The following TENM3 variants were observed in gnomAD, a reference collection of about 807,000 sequenced individuals.
The protein encoded by TENM3 is teneurin transmembrane protein 3.
Under a neutral mutation model 255.1 loss-of-function variants are expected in TENM3, and 63 were observed. The ratio of observed to expected loss-of-function variants is 0.25; its 90% CI spans 0.20 to 0.30. TENM3 has a LOEUF of 0.30. Among genes scored for constraint, TENM3 ranks in the 10% least tolerant of loss-of-function variants. The probability of loss-of-function intolerance (pLI) is 1.00; values close to 1 mark genes in which losing one functional copy is unlikely to be tolerated. For missense variants in TENM3, 2,929 were observed against 3,461.1 expected, an observed-to-expected ratio of 0.85 and a Z score of 3.86; for synonymous variants, 1,306 against 1,322.3, an observed-to-expected ratio of 0.99 and a Z score of 0.27.
chr4:181,609,961 T>C, the TENM3 span, among the ~76,000 whole-genome samples: 3 of 152,208 alleles, frequency 2.0e-5, no homozygotes, highest in Non-Finnish European at 4.4e-5. Context: ...AACGACTGCC[T>C]GAGTGTACCC....
At chr4:181,752,634 T>C in the TENM3 span, among the ~76,000 whole-genome samples, 3 of 152,180 alleles carry the variant, frequency 2.0e-5, no homozygotes, top group Non-Finnish European at 4.4e-5. Context: ...TCCAATGGTA[T>C]CATTTTATTT....
In TENM3 at chr4:182,802,512, A is replaced by G. The variant is rs1344716003; in HGVS notation, c.*2161A>G. On this transcript the variant is annotated 3_prime_UTR_variant, in exon 28 of 28. Coordinates refer to ENST00000511685, the MANE Select transcript of TENM3 (RefSeq NM_001080477.4). ...TTCTCAGACATGTTTCTGATGTATT[A>G]CCATGAAAAGCTTGTGCCACATGAC... 2.0e-5 allele frequency: 3 copies of G among 152,666 alleles called. No individual in the cohort carries two copies. In the East Asian group the frequency reaches 5.8e-4, roughly 29 times the overall value. The allele number at this position is 152,666 out of a possible 1,614,324, so 9.5% of individuals were successfully genotyped here.
At chr4:182,763,987 G>C (rs1763443693) in intron 22 of TENM3, among the ~76,000 whole-genome samples, 1 of 152,142 alleles carries the variant, frequency 6.6e-6, no homozygotes, top group African/African-American at 2.4e-5. Context: ...TGTTTAAAGT[G>C]TACCCCATTC....
At chr4:182,738,350 G>C (rs1169133881) in intron 17 of TENM3, 51 bp from the exon 18 acceptor site, 16 of 1,496,964 alleles carry the variant, frequency 1.1e-5, no homozygotes, top group Non-Finnish European at 9.0e-6. Flanking sequence ...AAAATAAATT[G>C]CATTTCCCCC....
chr4:181,741,549 A>C, the TENM3 span, among the ~76,000 whole-genome samples: 1 of 152,206 alleles, frequency 6.6e-6, no homozygotes, highest in Non-Finnish European at 1.5e-5. Flanking sequence ...CAGTTAACTG[A>C]AAACTCAGCA....
chr4:182,709,553 T>A (rs1036987329), intron 12 of TENM3, among the ~76,000 whole-genome samples: 4 of 152,232 alleles, frequency 2.6e-5, no homozygotes, highest in Admixed American at 6.5e-5. Context: ...TGCATTTTTT[T>A]ATTTCCTATT....
intron 4 of TENM3, among the ~76,000 whole-genome samples, chr4:182,601,699 T>C (rs947775946): frequency 1.1e-4 from 17 of 152,222 alleles, no homozygotes; most frequent in African/African-American, 4.1e-4. Context: ...CTCTCTAAAG[T>C]TCCTTGCAGG....
chr4:181,977,813 G>C, the TENM3 span, among the ~76,000 whole-genome samples: 2 of 152,162 alleles, frequency 1.3e-5, no homozygotes, highest in East Asian at 3.9e-4. Context: ...CAGGGGTGAG[G>C]TGACCATGAA....
Position 182,800,094 on chromosome 4 carries a change from G to T in TENM3, c.7843G>T (p.Glu2615Ter), listed in dbSNP as rs762365565. Residue 2615 changes from glutamate to a stop codon, truncating the protein, a stop_gained, in exon 28 of 28, where the codon GAG becomes TAG. Coordinates refer to ENST00000511685, the MANE Select transcript of TENM3 (RefSeq NM_001080477.4). LOFTEE classifies it high-confidence loss of function. ...LHVRYGMTLD[E>*]EKARILEQAR... is the part of the protein sequence containing the mutation. ...CGTGCGCTACGGCATGACCCTGGAC[G>T]AGGAGAAGGCGCGCATCCTGGAGCA... 2 of 1,585,096 alleles carry T rather than the reference G, an allele frequency of 1.3e-6. No homozygotes were observed. The highest frequency in any genetic ancestry group is 2.3e-5 in the East Asian group (1 of 43,602).
At chr4:181,559,057 G>A in the TENM3 span, among the ~76,000 whole-genome samples, 2 of 151,746 alleles carry the variant, frequency 1.3e-5, no homozygotes, top group Non-Finnish European at 2.9e-5. Flanking sequence ...TCCTTCAAAT[G>A]TGAAGGATTT....
At chr4:182,001,305 G>A in the TENM3 span, among the ~76,000 whole-genome samples, 9 of 152,080 alleles carry the variant, frequency 5.9e-5, no homozygotes, top group Non-Finnish European at 1.3e-4. Context: ...GTTAGCAAAT[G>A]TGGGTGGTCT....
chr4:182,566,388 T>C (rs1743796414), intron 3 of TENM3, among the ~76,000 whole-genome samples: 1 of 152,236 alleles, frequency 6.6e-6, no homozygotes, highest in African/African-American at 2.4e-5. Flanking sequence ...GGCTTCATGA[T>C]TGTTTTTGTA....
the TENM3 span, among the ~76,000 whole-genome samples, chr4:181,587,732 T>C: frequency 6.6e-6 from 1 of 152,200 alleles, no homozygotes; most frequent in Non-Finnish European, 1.5e-5. Context: ...TCGCTTTGTT[T>C]CCACCTTGTT....
chr4:182,192,298 A>G (rs534819348), intron 1 of TENM3, among the ~76,000 whole-genome samples: 3 of 152,334 alleles, frequency 2.0e-5, no homozygotes, highest in Non-Finnish European at 2.9e-5. Context: ...TCTTTCAACC[A>G]TGTTGTAGAG....
At chr4:182,096,392 G>A in the TENM3 span, among the ~76,000 whole-genome samples, 35 of 151,858 alleles carry the variant, frequency 2.3e-4, no homozygotes, top group African/African-American at 5.1e-4. Flanking sequence ...TTCAAAACTC[G>A]TAAATAAAGG....
At chr4:182,233,985 T>C (rs767803115) in intron 1 of TENM3, among the ~76,000 whole-genome samples, 24 of 152,244 alleles carry the variant, frequency 1.6e-4, no homozygotes, top group Non-Finnish European at 3.2e-4. Flanking sequence ...GTTATTACTG[T>C]GTTTCAACTT....
the TENM3 span, among the ~76,000 whole-genome samples, chr4:181,567,351 T>C: frequency 6.6e-6 from 1 of 152,202 alleles, no homozygotes; most frequent in African/African-American, 2.4e-5. Flanking sequence ...TGTTCGTGTC[T>C]CTTGCAAATG....
chr4:181,605,597 G>A, the TENM3 span, among the ~76,000 whole-genome samples: 3 of 123,518 alleles, frequency 2.4e-5, no homozygotes, highest in Non-Finnish European at 5.4e-5. Context: ...AAGAAAGAAA[G>A]AAAGAAAGAA....
At chr4:182,571,970 T>G (rs767733796) in intron 3 of TENM3, among the ~76,000 whole-genome samples, 2 of 152,158 alleles carry the variant, frequency 1.3e-5, no homozygotes, top group Non-Finnish European at 2.9e-5. Context: ...GGCGCGATCC[T>G]GGCTCACTGC....
Sources: allele counts gnomAD v4.1 joint callset (sites outside exome capture counted in the v4.1 genomes callset), GRCh38; gene constraint gnomAD v4.1.1; transcripts MANE v1.5; gene names NCBI Gene and HGNC (gene_info 2026-07-23, HGNC 2026-07-21).